CTNND2: variants seen among roughly 807,000 people sequenced by gnomAD.
CTNND2 encodes the protein catenin delta-2.
In CTNND2, 22 loss-of-function variants were observed where a neutral mutation model predicts 144.4. That is an observed-to-expected ratio of 0.15 (90% confidence interval 0.11 to 0.22). The LOEUF (loss-of-function observed/expected upper bound fraction) is 0.22, where lower values mean the gene tolerates loss of function less well. Ranked by LOEUF, CTNND2 falls within the 10% of genes least tolerant of loss-of-function variation. The pLI, the probability that CTNND2 is intolerant of heterozygous loss-of-function variation, is 1.00. For missense variants in CTNND2, 1,353 were observed against 1,618.8 expected, an observed-to-expected ratio of 0.84 and a Z score of 2.82; for synonymous variants, 751 against 695.6, an observed-to-expected ratio of 1.08 and a Z score of -1.25.
intron 9 of CTNND2, among the ~76,000 whole-genome samples, chr5:11,294,781 A>G (rs1345878178): frequency 6.6e-6 from 1 of 152,174 alleles, no homozygotes; most frequent in East Asian, 1.9e-4. Context: ...AAAATTCAAC[A>G]ACCCTTCATG....
At chr5:11,645,034 T>C (rs1005444929) in intron 2 of CTNND2, among the ~76,000 whole-genome samples, 1 of 152,148 alleles carries the variant, frequency 6.6e-6, no homozygotes, top group Non-Finnish European at 1.5e-5. Flanking sequence ...ATAACCATCA[T>C]AGCTCACTGC....
At chr5:11,442,687 A>G (rs1764365561) in intron 3 of CTNND2, among the ~76,000 whole-genome samples, 2 of 151,530 alleles carry the variant, frequency 1.3e-5, no homozygotes, top group African/African-American at 4.8e-5. Flanking sequence ...CTGAAGTGTA[A>G]GGAAAGAGAC....
chr5:11,292,096 C>A (rs1748409895), intron 9 of CTNND2, among the ~76,000 whole-genome samples: 1 of 152,070 alleles, frequency 6.6e-6, no homozygotes, highest in Non-Finnish European at 1.5e-5. Flanking sequence ...CCAAGTTCTC[C>A]TGCTTATGAT....
rs528842949 is a variant in CTNND2 at position 11,205,744 on chromosome 5, T to C, written c.1762-6083A>G. 6.6e-5 allele frequency among the ~76,000 whole-genome samples: 10 copies of C among 152,302 alleles called. No individual in the cohort carries two copies. In the South Asian group the frequency reaches 2.1e-3, roughly 32 times the overall value. ...AAAGGTCATAATTTTTTAGTAGAAA[T>C]TATTTTTGAGAATCTCTCTCCTTCC... On this transcript the variant is annotated intron_variant, in intron 10 of 21. Coordinates refer to ENST00000304623, the MANE Select transcript of CTNND2 (RefSeq NM_001332.4).
chr5:11,415,692 A>C (rs768618443), intron 3 of CTNND2, among the ~76,000 whole-genome samples: 12 of 152,128 alleles, frequency 7.9e-5, no homozygotes, highest in Non-Finnish European at 1.5e-4. Context: ...AAGTGATATG[A>C]GTGAGGGTGT....
At chr5:11,330,908 C>A (rs1447621396) in intron 9 of CTNND2, among the ~76,000 whole-genome samples, 3 of 151,996 alleles carry the variant, frequency 2.0e-5, no homozygotes, top group Non-Finnish European at 4.4e-5. Context: ...TGTTTGAGTT[C>A]CTAGAGGCCC....
chr5:11,121,263 T>A (rs1262315692), intron 12 of CTNND2, among the ~76,000 whole-genome samples: 1 of 152,230 alleles, frequency 6.6e-6, no homozygotes, highest in Non-Finnish European at 1.5e-5. Context: ...GTTGTAATCA[T>A]GGTCCTTAGT....
intron 7 of CTNND2, among the ~76,000 whole-genome samples, chr5:11,378,796 T>C (rs1758186209): frequency 6.6e-6 from 1 of 152,190 alleles, no homozygotes. Flanking sequence ...TTTTTTTTCT[T>C]TCTCATATAA....
At chr5:11,267,901 G>C (rs955863450) in intron 9 of CTNND2, among the ~76,000 whole-genome samples, 15 of 152,176 alleles carry the variant, frequency 9.9e-5, no homozygotes, top group African/African-American at 2.9e-4. Context: ...TGCACAAGAA[G>C]ATGGGCTTTG....
intron 2 of CTNND2, among the ~76,000 whole-genome samples, chr5:11,662,242 T>C (rs924335542): frequency 2.9e-4 from 40 of 138,332 alleles, no homozygotes; most frequent in East Asian, 1.4e-3. Flanking sequence ...TGTATATATA[T>C]ACATATATGT....
intron 1 of CTNND2, among the ~76,000 whole-genome samples, chr5:11,868,675 G>A (rs1282458310): frequency 6.6e-6 from 1 of 152,128 alleles, no homozygotes; most frequent in African/African-American, 2.4e-5. Context: ...CTAAGTTCAT[G>A]AATAAATTTA....
At chr5:11,817,410 G>GGA (rs1157713122) in intron 1 of CTNND2, among the ~76,000 whole-genome samples, 1 of 22,350 alleles carries the variant, frequency 4.5e-5, no homozygotes, top group African/African-American at 2.4e-4. Flanking sequence ...GAGAGAGGAG[G>GGA]GAGAGAGAGA....
chr5:11,635,027 A>T (rs551625969), intron 2 of CTNND2, among the ~76,000 whole-genome samples: 1 of 151,874 alleles, frequency 6.6e-6, no homozygotes, highest in Non-Finnish European at 1.5e-5. Context: ...ATTATACAGC[A>T]CTCTTTTAGG....
chr5:11,694,092 A>G (rs1785032480), intron 2 of CTNND2, among the ~76,000 whole-genome samples: 1 of 152,168 alleles, frequency 6.6e-6, no homozygotes, highest in Admixed American at 6.5e-5. Flanking sequence ...TAGATAACAA[A>G]TCAGCATTAC....
chr5:11,548,636 G>C (rs2150080670), intron 3 of CTNND2, among the ~76,000 whole-genome samples: 1 of 152,122 alleles, frequency 6.6e-6, no homozygotes, highest in East Asian at 1.9e-4. Flanking sequence ...AGCTATATTT[G>C]GTTTTGTACT....
chr5:11,721,734 T>C (rs1421420424), intron 2 of CTNND2, among the ~76,000 whole-genome samples: 1 of 152,238 alleles, frequency 6.6e-6, no homozygotes, highest in Non-Finnish European at 1.5e-5. Context: ...ATGGCCTCTT[T>C]ACAAGTGTCT....
intron 1 of CTNND2, among the ~76,000 whole-genome samples, chr5:11,754,348 G>C (rs1345770327): frequency 1.3e-5 from 2 of 150,548 alleles, no homozygotes; most frequent in African/African-American, 2.4e-5. Context: ...GTTTTAGGTA[G>C]GTCCCAGAAA....
At chr5:11,473,602 G>T (rs1310048001) in intron 3 of CTNND2, among the ~76,000 whole-genome samples, 1 of 152,152 alleles carries the variant, frequency 6.6e-6, no homozygotes, top group Non-Finnish European at 1.5e-5. Flanking sequence ...ACAGGAAATG[G>T]CTCCATCGCT....
At chr5:10,990,050 G>T (rs1012243235) in intron 19 of CTNND2, among the ~76,000 whole-genome samples, 1 of 152,210 alleles carries the variant, frequency 6.6e-6, no homozygotes, top group African/African-American at 2.4e-5. Context: ...AAATGCAATG[G>T]CAGACAGGGA....
Sources: gnomAD v4.1 joint callset for allele counts (sites outside exome capture counted in the v4.1 genomes callset) on GRCh38, gnomAD v4.1.1 for gene constraint, MANE v1.5 for transcripts, NCBI Gene and HGNC (gene_info 2026-07-23, HGNC 2026-07-21) for gene names.